ME1: variants seen among roughly 807,000 people sequenced by gnomAD.
ME1 encodes the protein malic enzyme 1, also known as NADP-dependent malic enzyme.
Under a neutral mutation model 66.4 loss-of-function variants are expected in ME1, and 74 were observed. That is an observed-to-expected ratio of 1.11 (90% CI 0.92 to 1.35). ME1 has a LOEUF of 1.35. Ranked by LOEUF, ME1 falls within the 40% of genes most tolerant of loss-of-function variation. The pLI, the probability that ME1 is intolerant of heterozygous loss-of-function variation, is 0.00. For missense variants in ME1, 750 were observed against 694.1 expected, an observed-to-expected ratio of 1.08 and a Z score of -0.90; for synonymous variants, 251 against 235.6, an observed-to-expected ratio of 1.07 and a Z score of -0.60.
At chr6:83,230,269 C>T (rs552290438) in intron 9 of ME1, among the ~76,000 whole-genome samples, 23 of 152,022 alleles carry the variant, frequency 1.5e-4, no homozygotes, top group South Asian at 6.2e-4. Flanking sequence ...CTCCGCCTCC[C>T]GGGTTAAAGC....
intron 5 of ME1, among the ~76,000 whole-genome samples, chr6:83,340,922 TTCTGTGGATGGAC>T (rs2128543061): frequency 1.3e-5 from 2 of 152,276 alleles, no homozygotes; most frequent in South Asian, 4.1e-4. Context: ...TTTCTATTTA[TTCTGTGGATGGAC>T]TCTGGTGACA....
In ME1 at chr6:83,295,989, A is replaced by G. The variant is rs891445766; in HGVS notation, c.704+19321T>C. ...TCAGGAAGAAACTGAACCCCTGAAC[A>G]GACCAATAATGAGCGCCAAAATTAA... is the stretch of plus-strand genomic sequence containing the variant. On this transcript the variant is annotated intron_variant, in intron 6 of 13. Transcript: ENST00000369705. Among the ~76,000 whole-genome samples the G allele has an allele frequency of 7.9e-5, 12 of 152,304 alleles. No individual in the cohort carries two copies. The East Asian group carries it at 2.1e-3, about 27-fold the overall frequency.
At chr6:83,248,221 T>C (rs757841377) in intron 7 of ME1, among the ~76,000 whole-genome samples, 47 of 152,226 alleles carry the variant, frequency 3.1e-4, no homozygotes, top group Non-Finnish European at 6.0e-4. Flanking sequence ...CTGTTTCCTA[T>C]TAACTCTGCA....
chr6:83,420,570 T>C (rs1275671085), intron 1 of ME1, among the ~76,000 whole-genome samples: 1 of 152,212 alleles, frequency 6.6e-6, no homozygotes, highest in East Asian at 1.9e-4. Flanking sequence ...CTAAATGATA[T>C]AGTGGTCATC....
intron 6 of ME1, among the ~76,000 whole-genome samples, chr6:83,279,220 C>T (rs1583353858): frequency 6.6e-6 from 1 of 152,252 alleles, no homozygotes; most frequent in African/African-American, 2.4e-5. Context: ...TAAACAAAAC[C>T]CAGCATATTA....
intron 5 of ME1, among the ~76,000 whole-genome samples, chr6:83,343,382 CA>C (rs1452640138): frequency 6.6e-6 from 1 of 152,154 alleles, no homozygotes; most frequent in Admixed American, 6.5e-5. Context: ...AAAGGTCTCT[CA>C]AAGACCTCTG....
At chr6:83,330,223 T>C (rs1333443089) in intron 5 of ME1, among the ~76,000 whole-genome samples, 1 of 152,232 alleles carries the variant, frequency 6.6e-6, no homozygotes, top group Non-Finnish European at 1.5e-5. Context: ...GCATTTATTT[T>C]TAAACTCAAT....
At chr6:83,390,304 CA>C in intron 3 of ME1, among the ~76,000 whole-genome samples, 1 of 152,260 alleles carries the variant, frequency 6.6e-6, no homozygotes, top group South Asian at 2.1e-4. Context: ...AAACCATACA[CA>C]GTAAGTATTA....
At position 83,405,721 on chromosome 6, in the gene ME1, TG is replaced by T. The variant is rs202134312; in HGVS notation, c.212+2046del. 3.0e-3 allele frequency among the ~76,000 whole-genome samples: 435 copies of T among 145,606 alleles called. 6 individuals carry two copies. Among genetic ancestry groups the T allele is most frequent in the African/African-American group, 9.7e-3 (370 of 38,282 alleles). On this transcript the variant is annotated intron_variant, in intron 2 of 13. Transcript: ENST00000369705. ...TGAGAGTTTTTTTTGTTGTTGTTGT[TG>T]TTTTTTTTTTTTTTTTTGAGACGGA... is the stretch of plus-strand genomic sequence containing the variant.
intron 1 of ME1, among the ~76,000 whole-genome samples, chr6:83,429,794 A>C (rs925349585): frequency 2.6e-5 from 4 of 152,206 alleles, no homozygotes; most frequent in Non-Finnish European, 4.4e-5. Context: ...ACGACAAGGA[A>C]AAAGCTGAGC....
At chr6:83,245,860 T>A (rs1051855246) in intron 7 of ME1, among the ~76,000 whole-genome samples, 4 of 152,184 alleles carry the variant, frequency 2.6e-5, no homozygotes, top group Non-Finnish European at 5.9e-5. Flanking sequence ...AAATTTTTTT[T>A]GCATTTTAAT....
chr6:83,368,944 A>G (rs1769146774), intron 3 of ME1, among the ~76,000 whole-genome samples: 1 of 152,144 alleles, frequency 6.6e-6, no homozygotes, highest in Admixed American at 6.6e-5. Context: ...TTCCCTCTGC[A>G]ATATTTGCTA....
chr6:83,311,183 C>T (rs1197639322), intron 6 of ME1, among the ~76,000 whole-genome samples: 1 of 152,092 alleles, frequency 6.6e-6, no homozygotes, highest in Non-Finnish European at 1.5e-5. Flanking sequence ...CACAATATAA[C>T]CTATCTGGGA....
At chr6:83,320,728 C>A (rs1408957115) in intron 5 of ME1, among the ~76,000 whole-genome samples, 1 of 152,190 alleles carries the variant, frequency 6.6e-6, no homozygotes, top group Non-Finnish European at 1.5e-5. Flanking sequence ...TCTTTTCTCC[C>A]TCCTTTCCCA....
chr6:83,315,445 T>G, intron 5 of ME1, 32 bp from the exon 6 acceptor site: 1 of 1,237,820 alleles, frequency 8.1e-7, no homozygotes, highest in Non-Finnish European at 1.2e-6. Context: ...AAAATAGAAA[T>G]AACTATAACC....
intron 7 of ME1, among the ~76,000 whole-genome samples, chr6:83,246,930 T>C (rs984150377): frequency 1.3e-5 from 2 of 152,178 alleles, no homozygotes; most frequent in African/African-American, 4.8e-5. Flanking sequence ...ACTTGCTGTT[T>C]AATAAATTTT....
intron 6 of ME1, among the ~76,000 whole-genome samples, chr6:83,309,504 G>C (rs1767891249): frequency 6.6e-6 from 1 of 152,076 alleles, no homozygotes. Context: ...TACTGAGATG[G>C]GAAAGGCTGC....
intron 2 of ME1, among the ~76,000 whole-genome samples, chr6:83,403,428 T>C (rs1340274696): frequency 6.6e-6 from 1 of 152,176 alleles, no homozygotes; most frequent in Non-Finnish European, 1.5e-5. Flanking sequence ...AGACAGCACA[T>C]TCTCGCTGCA....
intron 6 of ME1, among the ~76,000 whole-genome samples, chr6:83,290,549 G>A (rs1025929495): frequency 6.6e-6 from 1 of 152,170 alleles, no homozygotes; most frequent in African/African-American, 2.4e-5. Flanking sequence ...TTCCAATTAT[G>A]TGGTCAATTT....
Sources: allele counts gnomAD v4.1 joint callset (sites outside exome capture counted in the v4.1 genomes callset), GRCh38; gene constraint gnomAD v4.1.1; transcripts MANE v1.5; gene names NCBI Gene and HGNC (gene_info 2026-07-23, HGNC 2026-07-21).